The following CACNA1E variants were observed in gnomAD, a reference collection of about 807,000 sequenced individuals.
The protein encoded by CACNA1E is calcium voltage-gated channel subunit alpha1 E.
In CACNA1E, 40 loss-of-function variants were observed where a neutral mutation model predicts 259.2. The ratio of observed to expected loss-of-function variants is 0.15; its 90% CI spans 0.12 to 0.20. The LOEUF is 0.20. CACNA1E is among the 10% of genes least tolerant of loss of function. The pLI is 1.00. For synonymous variants in CACNA1E, 1,104 were observed against 1,138.5 expected, an observed-to-expected ratio of 0.97 and a Z score of 0.61; for missense variants, 1,874 against 3,040.1, an observed-to-expected ratio of 0.62 and a Z score of 9.02.
At chr1:181,417,145 T>C (rs1207055750) in intron 2 of CACNA1E, among the ~76,000 whole-genome samples, 1 of 152,194 alleles carries the variant, frequency 6.6e-6, no homozygotes, top group East Asian at 1.9e-4. Flanking sequence ...TTCCCAAGAT[T>C]CTTTAATCTT....
chr1:181,485,096 T>C lies in CACNA1E; in HGVS notation c.266+1086T>C, dbSNP rs1663676113. Among the ~76,000 whole-genome samples, 1 of 152,186 alleles carries C rather than the reference T, an allele frequency of 6.6e-6. No homozygotes were observed. Among genetic ancestry groups the C allele is most frequent in the South Asian group, 2.1e-4 (1 of 4,834 alleles). On this transcript the variant is annotated intron_variant, in intron 1 of 47. Transcript: ENST00000367573. This position sits in a 1 kb window ranked among gnomAD's most constrained non-coding sequence, Gnocchi z 4.2. The stretch of plus-strand genomic sequence containing the variant: ...AGGGGATTAGTAGGAGGCAAGCTAG[T>C]GGTCTGGCGTTAAATATGGGGATGG...
intron 2 of CACNA1E, among the ~76,000 whole-genome samples, chr1:181,477,304 C>T (rs953031934): frequency 6.6e-6 from 1 of 152,130 alleles, no homozygotes; most frequent in African/African-American, 2.4e-5. Context: ...CTGTTGTCTC[C>T]CAGTACTCTC....
At chr1:181,434,652 A>T (rs75861042) in intron 2 of CACNA1E, among the ~76,000 whole-genome samples, 3,980 of 152,270 alleles carry the variant, frequency 0.026, 180 homozygotes, top group African/African-American at 0.09. Context: ...AGAGCAAGTT[A>T]AAGACCTTGA....
intron 6 of CACNA1E, among the ~76,000 whole-genome samples, chr1:181,633,448 T>C (rs1656928503): frequency 6.6e-6 from 1 of 152,058 alleles, no homozygotes; most frequent in Non-Finnish European, 1.5e-5. Context: ...AATACCATGG[T>C]AGGCAGAGAG....
chr1:181,744,467 AGGT>A (rs914410346), intron 25 of CACNA1E, among the ~76,000 whole-genome samples: 1 of 152,182 alleles, frequency 6.6e-6, no homozygotes, highest in African/African-American at 2.4e-5. Flanking sequence ...GTGTTTTAGA[AGGT>A]GAGAATGTGC....
At chr1:181,662,112 G>A (rs12139532) in intron 7 of CACNA1E, among the ~76,000 whole-genome samples, 2 of 152,116 alleles carry the variant, frequency 1.3e-5, no homozygotes, top group Non-Finnish European at 2.9e-5. Context: ...CTTTTCCTGG[G>A]TGAGTTGTGT....
chr1:181,779,235 AT>A (rs1660213866), intron 38 of CACNA1E, among the ~76,000 whole-genome samples: 1 of 152,126 alleles, frequency 6.6e-6, no homozygotes, highest in African/African-American at 2.4e-5. Context: ...CCAGGCTCTG[AT>A]TTCCTTAGAA....
intron 1 of CACNA1E, among the ~76,000 whole-genome samples, chr1:181,319,445 T>C (rs1650176722): frequency 6.6e-6 from 1 of 152,218 alleles, no homozygotes; most frequent in Non-Finnish European, 1.5e-5. Flanking sequence ...AAATTGCTAA[T>C]GGGATATAGA....
intron 2 of CACNA1E, among the ~76,000 whole-genome samples, chr1:181,457,438 G>A (rs1159245739): frequency 6.6e-6 from 1 of 152,244 alleles, no homozygotes; most frequent in Non-Finnish European, 1.5e-5. Context: ...GGGAGAAAAT[G>A]TCAGCCAAGG....
intron 2 of CACNA1E, among the ~76,000 whole-genome samples, chr1:181,425,879 G>A (rs1224897925): frequency 6.6e-6 from 1 of 152,036 alleles, no homozygotes; most frequent in Non-Finnish European, 1.5e-5. Context: ...CCCTGCCCCC[G>A]CCTCTCCTGG....
intron 1 of CACNA1E, among the ~76,000 whole-genome samples, chr1:181,391,154 T>C (rs646300): frequency 0.51 from 76,929 of 152,096 alleles, 20,417 homozygotes; most frequent in African/African-American, 0.68. Context: ...CCTGGGCACA[T>C]CACCTGTGGC....
intron 3 of CACNA1E, among the ~76,000 whole-genome samples, chr1:181,515,641 T>C (rs1666523592): frequency 6.6e-6 from 1 of 152,192 alleles, no homozygotes; most frequent in Non-Finnish European, 1.5e-5. Flanking sequence ...ACCTGGAGAA[T>C]TCCAAATTAG....
At chr1:181,449,657 G>A (rs573835184) in intron 2 of CACNA1E, among the ~76,000 whole-genome samples, 20 of 152,306 alleles carry the variant, frequency 1.3e-4, no homozygotes, top group African/African-American at 4.6e-4. Flanking sequence ...AGGGTGGGAG[G>A]CCCCAGGAGA....
rs200952541 is a variant in CACNA1E, at chr1:181,733,695, C to T, written c.3207C>T (p.Ser1069=). 3.1e-3 allele frequency: 4,905 copies of T among 1,597,472 alleles called. 18 individuals are homozygous for T. Among genetic ancestry groups the T allele is most frequent in the Non-Finnish European group, 3.7e-3 (4,359 of 1,171,826 alleles). Residue 1069 remains serine (S), a synonymous_variant, in exon 21 of 48, where the codon AGC becomes AGT. Transcript: ENST00000367573. The part of the protein sequence containing the change: ...NTDKATTEST[S]VTVAIPDVDP... ...ACAAGGCCACCACCGAGAGCACCAG[C>T]GTCACCGTCGCCATCCCCGACGTGG...
At chr1:181,460,072 G>A (rs971170885) in intron 2 of CACNA1E, among the ~76,000 whole-genome samples, 1 of 152,146 alleles carries the variant, frequency 6.6e-6, no homozygotes, top group Non-Finnish European at 1.5e-5. Context: ...CTTGCCTCAG[G>A]CTCTGCTTTC....
In CACNA1E at chr1:181,520,080, C is replaced by T. The variant is rs142955910; in HGVS notation, c.512+8570C>T. Among the ~76,000 whole-genome samples, 52 of 152,278 alleles carry T rather than the reference C, an allele frequency of 3.4e-4. 1 individual carries two copies. In the East Asian group the frequency reaches 8.3e-3, roughly 24 times the overall value. On this transcript the variant is annotated intron_variant, in intron 3 of 47. Coordinates refer to ENST00000367573, the MANE Select transcript of CACNA1E (RefSeq NM_001205293.3). ...GACAGCTCCCATTTAACCAGGAGCT[C>T]ATGTCTTATTTTAAATGCAGAAGGC...
At chr1:181,624,074 A>G (rs564021491) in intron 6 of CACNA1E, among the ~76,000 whole-genome samples, 6 of 152,336 alleles carry the variant, frequency 3.9e-5, no homozygotes, top group Admixed American at 3.3e-4. Context: ...AGCCTGCCAC[A>G]TGGTGAGAGC....
At chr1:181,735,420 C>G (rs1048307558) in intron 21 of CACNA1E, among the ~76,000 whole-genome samples, 1 of 152,200 alleles carries the variant, frequency 6.6e-6, no homozygotes, top group African/African-American at 2.4e-5. Flanking sequence ...CCACCGAGGT[C>G]CACTGCTGAC....
intron 7 of CACNA1E, among the ~76,000 whole-genome samples, chr1:181,672,818 A>G (rs569572087): frequency 1.3e-5 from 2 of 152,276 alleles, no homozygotes; most frequent in South Asian, 4.1e-4. Flanking sequence ...TCCTGGCAAA[A>G]TTTGAGAAGT....
Sources: gnomAD v4.1 joint callset for allele counts (sites outside exome capture counted in the v4.1 genomes callset) on GRCh38, gnomAD v4.1.1 for gene constraint, Gnocchi (gnomAD v3.1) non-coding constraint, MANE v1.5 for transcripts, NCBI Gene and HGNC (gene_info 2026-07-23, HGNC 2026-07-21) for gene names.